The following THSD7A variants were observed in gnomAD, a reference collection of about 807,000 sequenced individuals.
The protein encoded by THSD7A is thrombospondin type-1 domain-containing protein 7A.
Under a neutral mutation model 231.3 loss-of-function variants are expected in THSD7A, and 96 were observed. The observed-to-expected ratio is 0.41, with a 90% CI of 0.35 to 0.49. The LOEUF is 0.49. Ranked by LOEUF, THSD7A falls within the 20% of genes least tolerant of loss-of-function variation. The pLI is 0.05. For synonymous variants in THSD7A, 940 were observed against 743.3 expected (o/e 1.26, Z -4.30); for missense variants, 2,290 against 2,070.2 (o/e 1.11, Z -2.06).
intron 6 of THSD7A, 63 bp downstream of exon 6, chr7:11,541,356 A>T: frequency 1.3e-6 from 2 of 1,503,652 alleles, no homozygotes; most frequent in African/African-American, 1.4e-5. Context: ...ATTTTAACAG[A>T]AAGTAAAAAC....
chr7:11,583,296 AG>A (rs1490794437), intron 4 of THSD7A, among the ~76,000 whole-genome samples: 2 of 151,750 alleles, frequency 1.3e-5, no homozygotes, highest in African/African-American at 4.8e-5. Flanking sequence ...GTTTGTTTTG[AG>A]ACAGGGTCTT....
chr7:11,770,939 T>A (rs2128171554), intron 1 of THSD7A, among the ~76,000 whole-genome samples: 1 of 151,882 alleles, frequency 6.6e-6, no homozygotes, highest in African/African-American at 2.4e-5. Flanking sequence ...TAATATACAA[T>A]AAATTTGCCT....
chr7:11,397,344 A>G (rs779954131), intron 23 of THSD7A, among the ~76,000 whole-genome samples: 5 of 152,244 alleles, frequency 3.3e-5, no homozygotes, highest in Non-Finnish European at 7.3e-5. Flanking sequence ...GTGTCGGGAA[A>G]ACTGGCTAGC....
chr7:11,423,241 A>G (rs1784209176), intron 16 of THSD7A, among the ~76,000 whole-genome samples: 1 of 152,216 alleles, frequency 6.6e-6, no homozygotes, highest in South Asian at 2.1e-4. Context: ...AAGGTTTTAT[A>G]CGGTAAAACA....
At chr7:11,770,138 T>C (rs1305366778) in intron 1 of THSD7A, among the ~76,000 whole-genome samples, 2 of 152,106 alleles carry the variant, frequency 1.3e-5, no homozygotes, top group Non-Finnish European at 2.9e-5. Context: ...CTTTTCATCA[T>C]ACATTTTTTA....
intron 22 of THSD7A, among the ~76,000 whole-genome samples, chr7:11,404,226 G>C (rs979037377): frequency 3.9e-5 from 6 of 152,152 alleles, no homozygotes; most frequent in Non-Finnish European, 8.8e-5. Flanking sequence ...CTCTTGGTCT[G>C]CACTGTATCT....
intron 1 of THSD7A, among the ~76,000 whole-genome samples, chr7:11,655,518 GT>G (rs756233126): frequency 2.6e-5 from 4 of 151,688 alleles, no homozygotes; most frequent in African/African-American, 4.8e-5. Context: ...TCTTGTTTTT[GT>G]TCCTTCTTCC....
At chr7:11,612,043 G>A (rs1168912462) in intron 2 of THSD7A, among the ~76,000 whole-genome samples, 3 of 151,974 alleles carry the variant, frequency 2.0e-5, no homozygotes, top group Admixed American at 6.6e-5. Context: ...TCATGACATT[G>A]CCCCCAACTC....
chr7:11,716,713 C>A (rs1199466443), intron 1 of THSD7A, among the ~76,000 whole-genome samples: 6 of 151,556 alleles, frequency 4.0e-5, no homozygotes, highest in African/African-American at 1.5e-4. Context: ...TTGCCTATGG[C>A]ATTCTCTATA....
chr7:11,567,741 T>A (rs191351159), intron 4 of THSD7A, among the ~76,000 whole-genome samples: 264 of 152,286 alleles, frequency 1.7e-3, no homozygotes, highest in African/African-American at 5.7e-3. Flanking sequence ...CACAGCTGTA[T>A]ATGGACCCTG....
chr7:11,568,648 A>C, intron 4 of THSD7A, among the ~76,000 whole-genome samples: 1 of 145,660 alleles, frequency 6.9e-6, no homozygotes, highest in East Asian at 2.0e-4. Context: ...AAAAAAAAAA[A>C]AAAAAACCAA....
At chr7:11,800,382 C>T (rs1164571656) in intron 1 of THSD7A, among the ~76,000 whole-genome samples, 1 of 152,054 alleles carries the variant, frequency 6.6e-6, no homozygotes, top group Admixed American at 6.6e-5. Flanking sequence ...AACCCTGTCT[C>T]CACTAAAAAT....
intron 1 of THSD7A, among the ~76,000 whole-genome samples, chr7:11,777,889 C>T (rs1396725878): frequency 3.3e-5 from 5 of 151,674 alleles, no homozygotes; most frequent in Admixed American, 6.6e-5. Flanking sequence ...GTGGCTCACG[C>T]CTGTAATCCC....
chr7:11,529,108 TCTA>T (rs1337532380), intron 6 of THSD7A, among the ~76,000 whole-genome samples: 1 of 152,158 alleles, frequency 6.6e-6, no homozygotes, highest in Non-Finnish European at 1.5e-5. Flanking sequence ...GCATTTCTAA[TCTA>T]CTCTAAAATT....
At chr7:11,613,429 G>A (rs1020994555) in intron 2 of THSD7A, among the ~76,000 whole-genome samples, 4 of 152,142 alleles carry the variant, frequency 2.6e-5, no homozygotes, top group Non-Finnish European at 5.9e-5. Context: ...TGGCTGTTAC[G>A]GCTCAGTGGA....
intron 11 of THSD7A, among the ~76,000 whole-genome samples, chr7:11,448,561 T>G (rs1157735044): frequency 1.3e-5 from 2 of 152,136 alleles, no homozygotes; most frequent in Admixed American, 6.6e-5. Flanking sequence ...TGAAGGAGCC[T>G]GACGTTTTTG....
At chr7:11,433,811 A>G (rs1784550940) in intron 13 of THSD7A, among the ~76,000 whole-genome samples, 1 of 152,036 alleles carries the variant, frequency 6.6e-6, no homozygotes, top group Non-Finnish European at 1.5e-5. Flanking sequence ...ATGACTTCAG[A>G]CTGATTCACG....
intron 1 of THSD7A, among the ~76,000 whole-genome samples, chr7:11,794,903 G>C (rs1334089966): frequency 6.6e-6 from 1 of 151,960 alleles, no homozygotes; most frequent in Non-Finnish European, 1.5e-5. Context: ...AGATGGAATA[G>C]AAACAGGATT....
intron 9 of THSD7A, among the ~76,000 whole-genome samples, chr7:11,466,310 T>G (rs1785702081): frequency 1.3e-5 from 2 of 152,214 alleles, no homozygotes. Flanking sequence ...TGTAAATTGG[T>G]GTAATTTCAA....
Sources: gnomAD v4.1 joint callset for allele counts (sites outside exome capture counted in the v4.1 genomes callset) on GRCh38, gnomAD v4.1.1 for gene constraint, MANE v1.5 for transcripts, NCBI Gene and HGNC (gene_info 2026-07-23, HGNC 2026-07-21) for gene names.